DEPTOR: variants seen among roughly 807,000 people sequenced by gnomAD.
DEPTOR encodes the protein DEP domain containing MTOR interacting protein, also known as DEP domain-containing mTOR-interacting protein.
A neutral mutation model predicts 41.6 loss-of-function variants in DEPTOR; 41 were observed. That is an observed-to-expected ratio of 0.98 (90% confidence interval 0.77 to 1.28). DEPTOR has a LOEUF of 1.28. Among genes scored for constraint, DEPTOR ranks in the 50% most tolerant of loss-of-function variants. The probability of loss-of-function intolerance (pLI) is 0.00; values close to 1 mark genes in which losing one functional copy is unlikely to be tolerated. For missense variants in DEPTOR, 514 were observed against 527.9 expected, an observed-to-expected ratio of 0.97 and a Z score of 0.26; for synonymous variants, 195 against 192.3, an observed-to-expected ratio of 1.01 and a Z score of -0.12.
chr8:119,907,779 A>G (rs542157003), intron 1 of DEPTOR, among the ~76,000 whole-genome samples: 1 of 71,340 alleles, frequency 1.4e-5, no homozygotes, highest in East Asian at 1.9e-3. Context: ...ACTCTGTCTC[A>G]AAAAACAAAA....
In DEPTOR at chr8:120,049,770, G is replaced by A; in HGVS notation, c.*66G>A. On this transcript the variant is annotated 3_prime_UTR_variant, in exon 9 of 9. Coordinates refer to ENST00000286234, the MANE Select transcript of DEPTOR (RefSeq NM_022783.4). The stretch of plus-strand genomic sequence containing the variant: ...GGAAGCCAGAATGACACAAAGCAAT[G>A]CAAAGACAAGATTGCCATGCAAATG... The A allele has an allele frequency of 6.3e-7, 1 of 1,586,002 alleles. No homozygotes were observed. Among genetic ancestry groups the A allele is most frequent in the South Asian group, 1.1e-5 (1 of 87,922 alleles).
At chr8:120,035,012 A>G (rs1407663038) in intron 8 of DEPTOR, among the ~76,000 whole-genome samples, 2 of 122,112 alleles carry the variant, frequency 1.6e-5, no homozygotes, top group Non-Finnish European at 3.4e-5. Context: ...GGAGTGATAC[A>G]TGTGTTAAGA....
chr8:119,966,342 T>C (rs1001293632), intron 4 of DEPTOR, among the ~76,000 whole-genome samples: 5 of 152,162 alleles, frequency 3.3e-5, no homozygotes, highest in Non-Finnish European at 2.9e-5. Context: ...GGTGCACGTC[T>C]GTAATCCCGG....
chr8:119,993,502 T>C (rs534502544), intron 4 of DEPTOR, among the ~76,000 whole-genome samples: 2 of 152,312 alleles, frequency 1.3e-5, no homozygotes, highest in African/African-American at 4.8e-5. Context: ...TTACAACTGG[T>C]AAGATCACAA....
rs531262865 is a variant in DEPTOR at position 119,940,879 on chromosome 8, G to A, written c.425+10941G>A. ...GGATAAATATTATATGATCTTACTTGTGTGAGGCACCTAGAACAGTTAATT... is the reference window on the plus strand; with the variant it reads ...GGATAAATATTATATGATCTTACTTATGTGAGGCACCTAGAACAGTTAATT... On this transcript the variant is annotated intron_variant, in intron 3 of 8. Transcript: ENST00000286234. 3.9e-5 allele frequency among the ~76,000 whole-genome samples: 6 copies of A among 152,290 alleles called. No individual in the cohort carries two copies. In the East Asian group the frequency reaches 7.7e-4, roughly 20 times the overall value.
chr8:119,918,938 A>T (rs1024528797), intron 1 of DEPTOR, among the ~76,000 whole-genome samples: 142 of 133,548 alleles, frequency 1.1e-3, no homozygotes, highest in African/African-American at 3.5e-3. Context: ...TTGCATAGTG[A>T]GTGTGTGTGT....
At chr8:119,988,569 G>C (rs1828858432) in intron 4 of DEPTOR, among the ~76,000 whole-genome samples, 1 of 152,118 alleles carries the variant, frequency 6.6e-6, no homozygotes, top group Admixed American at 6.5e-5. Context: ...TGTAACCTCT[G>C]CCTCCTAGGT....
chr8:119,948,947 A>G (rs190477057), intron 3 of DEPTOR, among the ~76,000 whole-genome samples: 169 of 152,000 alleles, frequency 1.1e-3, no homozygotes, highest in African/African-American at 3.8e-3. Context: ...GCCACCACAC[A>G]CAGCTAATTT....
intron 4 of DEPTOR, among the ~76,000 whole-genome samples, chr8:119,980,810 G>C (rs1828757896): frequency 6.6e-6 from 1 of 152,068 alleles, no homozygotes; most frequent in Non-Finnish European, 1.5e-5. Flanking sequence ...GAGCCACTGT[G>C]CCCAGCCGCA....
intron 1 of DEPTOR, among the ~76,000 whole-genome samples, chr8:119,887,772 T>C (rs1452334263): frequency 6.6e-6 from 1 of 151,654 alleles, no homozygotes; most frequent in Non-Finnish European, 1.5e-5. Context: ...CCCCAAGTGC[T>C]AGGATTACAG....
intron 1 of DEPTOR, among the ~76,000 whole-genome samples, chr8:119,885,845 T>C (rs1161126035): frequency 6.6e-6 from 1 of 152,212 alleles, no homozygotes; most frequent in Non-Finnish European, 1.5e-5. Context: ...CCTCTATCCA[T>C]CTGTCAATTA....
At chr8:120,031,584 C>G (rs1812893307) in intron 8 of DEPTOR, among the ~76,000 whole-genome samples, 1 of 152,082 alleles carries the variant, frequency 6.6e-6, no homozygotes. Flanking sequence ...CTGACTGCAC[C>G]CCATGCTTCC....
At chr8:119,990,520 A>T (rs1335923851) in intron 4 of DEPTOR, among the ~76,000 whole-genome samples, 2 of 152,194 alleles carry the variant, frequency 1.3e-5, no homozygotes, top group Non-Finnish European at 2.9e-5. Flanking sequence ...CCATCTGTTT[A>T]TTGCCTTTAC....
At position 119,921,748 on chromosome 8, in the gene DEPTOR, G is replaced by GTTTTTTT. The variant is rs1282897659; in HGVS notation, c.123-6647_123-6641dup. 1.6e-3 allele frequency among the ~76,000 whole-genome samples: 205 copies of GTTTTTTT among 131,122 alleles called. 15 individuals are homozygous for GTTTTTTT. Among genetic ancestry groups the GTTTTTTT allele is most frequent in the African/African-American group, 2.3e-3 (77 of 33,578 alleles). 86.0% of individuals were successfully genotyped at this position (131,122 alleles called of 152,430 possible). On this transcript the variant is annotated intron_variant, in intron 1 of 8. Coordinates refer to ENST00000286234, the MANE Select transcript of DEPTOR (RefSeq NM_022783.4). Reference sequence around the variant, plus strand: ...GGTAACTGAAAGGTTCTATTCTGTAGTTTTTTTTTTTGTTTGTTTGTTTGT... The same window carrying GTTTTTTT: ...GGTAACTGAAAGGTTCTATTCTGTAGTTTTTTTTTTTTTTTTTTGTTTGTTTGTTTGT...
intron 8 of DEPTOR, among the ~76,000 whole-genome samples, chr8:120,018,207 C>T (rs1250528336): frequency 6.6e-6 from 1 of 152,186 alleles, no homozygotes; most frequent in Non-Finnish European, 1.5e-5. Flanking sequence ...TGTGAAGTAA[C>T]TATCCACACA....
chr8:119,936,627 CA>C (rs1828116998), intron 3 of DEPTOR, among the ~76,000 whole-genome samples: 3 of 151,932 alleles, frequency 2.0e-5, no homozygotes, highest in Admixed American at 6.6e-5. Flanking sequence ...GAAAAACAAA[CA>C]AAAAAAGTCT....
At chr8:120,009,228 A>G in intron 8 of DEPTOR, 95 bp downstream of exon 8, 3 of 1,073,886 alleles carry the variant, frequency 2.8e-6, no homozygotes, top group Non-Finnish European at 4.0e-6. Context: ...AACCCATCTT[A>G]TTTTGTGTCC....
chr8:119,996,353 T>A (rs994645698), intron 4 of DEPTOR, among the ~76,000 whole-genome samples: 1 of 152,218 alleles, frequency 6.6e-6, no homozygotes, highest in African/African-American at 2.4e-5. Flanking sequence ...AATAAATGTA[T>A]AATTTATTGA....
At chr8:119,890,296 T>TTTGTTTGTTTG (rs767181814) in intron 1 of DEPTOR, among the ~76,000 whole-genome samples, 9 of 150,520 alleles carry the variant, frequency 6.0e-5, no homozygotes, top group African/African-American at 2.0e-4. Context: ...TGTTTGTTTG[T>TTTGTTTGTTTG]TTGTTGTTGT....
Sources: allele counts gnomAD v4.1 joint callset (sites outside exome capture counted in the v4.1 genomes callset), GRCh38; gene constraint gnomAD v4.1.1; transcripts MANE v1.5; gene names NCBI Gene and HGNC (gene_info 2026-07-23, HGNC 2026-07-21).